Variants in THSD7B observed in about 807,000 individuals in gnomAD.
THSD7B encodes the protein thrombospondin type 1 domain containing 7B.
A neutral mutation model predicts 213.6 loss-of-function variants in THSD7B; 138 were observed. The ratio of observed to expected loss-of-function variants is 0.65; its 90% confidence interval spans 0.56 to 0.74. The LOEUF is 0.74. Ranked by LOEUF, THSD7B falls within the 30% of genes least tolerant of loss-of-function variation. THSD7B has a pLI of 0.00. For missense variants in THSD7B, 1,931 were observed against 1,991.5 expected, an observed-to-expected ratio of 0.97 and a Z score of 0.58; for synonymous variants, 742 against 687.0, an observed-to-expected ratio of 1.08 and a Z score of -1.25.
At chr2:137,146,261 A>G (rs1473512401) in intron 5 of THSD7B, among the ~76,000 whole-genome samples, 2 of 152,124 alleles carry the variant, frequency 1.3e-5, no homozygotes, top group Non-Finnish European at 2.9e-5. Flanking sequence ...ATAGATTTTA[A>G]CTACAGGCAA....
At chr2:136,850,256 C>T (rs1683077848) in intron 1 of THSD7B, among the ~76,000 whole-genome samples, 1 of 151,852 alleles carries the variant, frequency 6.6e-6, no homozygotes, top group African/African-American at 2.4e-5. Flanking sequence ...TGTATGAGTA[C>T]ATTAAAATTA....
At chr2:136,890,298 C>T (rs1349151468) in intron 2 of THSD7B, among the ~76,000 whole-genome samples, 2 of 106 alleles carry the variant, frequency 0.019, 1 homozygote, top group Non-Finnish European at 0.2. Context: ...TGTCCATGTC[C>T]TACTCCTTCT....
chr2:137,077,982 C>T (rs548227934), intron 3 of THSD7B, among the ~76,000 whole-genome samples: 1 of 152,160 alleles, frequency 6.6e-6, no homozygotes, highest in Non-Finnish European at 1.5e-5. Context: ...GTCTTTAATC[C>T]ATCTTGAATT....
intron 1 of THSD7B, among the ~76,000 whole-genome samples, chr2:136,840,426 C>T (rs911793020): frequency 6.6e-6 from 1 of 152,004 alleles, no homozygotes; most frequent in African/African-American, 2.4e-5. Flanking sequence ...ATCGCCAGTT[C>T]TCTTGGGTAG....
chr2:137,473,649 A>G (rs1688138285), intron 15 of THSD7B, among the ~76,000 whole-genome samples: 1 of 152,186 alleles, frequency 6.6e-6, no homozygotes, highest in African/African-American at 2.4e-5. Flanking sequence ...TTGGGAGTGC[A>G]GTGGTTAAGA....
At chr2:136,836,590 T>C (rs1287092976) in intron 1 of THSD7B, among the ~76,000 whole-genome samples, 4 of 152,218 alleles carry the variant, frequency 2.6e-5, no homozygotes, top group Non-Finnish European at 5.9e-5. Flanking sequence ...CCATGCTATG[T>C]TGACCTTTGA....
intron 10 of THSD7B, among the ~76,000 whole-genome samples, chr2:137,244,667 C>A (rs1681986004): frequency 6.6e-6 from 1 of 152,122 alleles, no homozygotes; most frequent in Non-Finnish European, 1.5e-5. Context: ...TCTCTGTGGT[C>A]TCTCTTTGCC....
At chr2:137,557,871 G>T (rs899373926) in intron 15 of THSD7B, among the ~76,000 whole-genome samples, 5 of 152,070 alleles carry the variant, frequency 3.3e-5, no homozygotes, top group African/African-American at 1.2e-4. Context: ...AATAAAAAAT[G>T]ATAAGGGATA....
chr2:137,379,855 G>C (rs1018960877), intron 12 of THSD7B, among the ~76,000 whole-genome samples: 9 of 152,166 alleles, frequency 5.9e-5, no homozygotes, highest in Admixed American at 1.3e-4. Context: ...TGTGCTACTA[G>C]GGCTCTTGCC....
intron 12 of THSD7B, among the ~76,000 whole-genome samples, chr2:137,331,910 C>T (rs909656742): frequency 6.6e-6 from 1 of 152,122 alleles, no homozygotes; most frequent in Non-Finnish European, 1.5e-5. Context: ...AAGTGCGGGC[C>T]CGCCAAGCCC....
intron 2 of THSD7B, among the ~76,000 whole-genome samples, chr2:136,943,358 C>G (rs926276416): frequency 6.6e-6 from 1 of 152,162 alleles, no homozygotes; most frequent in Non-Finnish European, 1.5e-5. Flanking sequence ...TGTTGTGTCT[C>G]TGCTAGGCTT....
intron 17 of THSD7B, among the ~76,000 whole-genome samples, chr2:137,586,621 C>T (rs1427850811): frequency 6.6e-6 from 1 of 152,148 alleles, no homozygotes; most frequent in Non-Finnish European, 1.5e-5. Context: ...ATATGAAATT[C>T]TGGGTTGAAA....
chr2:137,223,774 C>T (rs1681430217), intron 7 of THSD7B, among the ~76,000 whole-genome samples: 1 of 152,130 alleles, frequency 6.6e-6, no homozygotes, highest in Admixed American at 6.5e-5. Flanking sequence ...GAATTGTAAT[C>T]TCGAATATTG....
chr2:136,825,718 A>ATTTTTTTTTTTTTTGTTTGTT lies in THSD7B; in HGVS notation c.-35-56412_-35-56411insGTTTGTTTTTTTTTTTTTTTT, dbSNP rs759978910. 1.5e-4 allele frequency among the ~76,000 whole-genome samples: 18 copies of ATTTTTTTTTTTTTTGTTTGTT among 116,896 alleles called. 1 individual carries two copies. Among genetic ancestry groups the ATTTTTTTTTTTTTTGTTTGTT allele is most frequent in the Admixed American group, 1.1e-3 (11 of 10,170 alleles). The allele number at this position is 116,896 out of a possible 152,430, so 76.7% of individuals were successfully genotyped here. A position where few individuals can be genotyped will look rare whatever the true frequency, so the allele number is the denominator to read the frequency against. On this transcript the variant is annotated intron_variant, in intron 1 of 27. Coordinates refer to ENST00000409968, the MANE Select transcript of THSD7B (RefSeq NM_001316349.2). ...AGGTGCTCACTGCCATGCCTGGCTA[A>ATTTTTTTTTTTTTTGTTTGTT]TTTTTTTTTTTTTTTTAGATCTGGG... is the stretch of plus-strand genomic sequence containing the variant.
At chr2:136,943,272 T>G (rs964063560) in intron 2 of THSD7B, among the ~76,000 whole-genome samples, 12 of 152,210 alleles carry the variant, frequency 7.9e-5, no homozygotes, top group African/African-American at 2.4e-4. Flanking sequence ...TGCTGCTGGA[T>G]TCAGTTTGCC....
chr2:137,609,656 C>T lies in THSD7B; in HGVS notation c.3424-6519C>T, dbSNP rs140047381. The stretch of plus-strand genomic sequence containing the variant: ...ACCCGATTGTGTATAACTTTGTAGG[C>T]ATAGAAATGGACTTGGTTTTCACTA... On this transcript the variant is annotated intron_variant, in intron 17 of 27. Coordinates refer to ENST00000409968, the MANE Select transcript of THSD7B (RefSeq NM_001316349.2). 1.5e-3 allele frequency among the ~76,000 whole-genome samples: 233 copies of T among 152,224 alleles called. 1 individual carries two copies. Among genetic ancestry groups the T allele is most frequent in the Non-Finnish European group, 2.0e-3 (133 of 68,004 alleles).
chr2:136,895,010 TG>T (rs936409984), intron 2 of THSD7B, among the ~76,000 whole-genome samples: 2 of 152,296 alleles, frequency 1.3e-5, no homozygotes, highest in East Asian at 3.9e-4. Context: ...TGACAGTCTG[TG>T]GCATGTTTGA....
intron 26 of THSD7B, among the ~76,000 whole-genome samples, chr2:137,665,869 T>C (rs1683436847): frequency 6.6e-6 from 1 of 152,012 alleles, no homozygotes; most frequent in African/African-American, 2.4e-5. Flanking sequence ...ACCTATATTG[T>C]TTAGTGAAAG....
At chr2:136,859,729 ACAGCATT>A in intron 1 of THSD7B, among the ~76,000 whole-genome samples, 1 of 152,344 alleles carries the variant, frequency 6.6e-6, no homozygotes, top group South Asian at 2.1e-4. Context: ...TTCATCAGAA[ACAGCATT>A]ACTGTAAGTT....
Sources: gnomAD v4.1 joint callset for allele counts (sites outside exome capture counted in the v4.1 genomes callset) on GRCh38, gnomAD v4.1.1 for gene constraint, MANE v1.5 for transcripts, NCBI Gene and HGNC (gene_info 2026-07-23, HGNC 2026-07-21) for gene names.